Variants in CAMTA1 observed in about 807,000 individuals in gnomAD.
CAMTA1 encodes the protein calmodulin-binding transcription activator 1.
A neutral mutation model predicts 170.9 loss-of-function variants in CAMTA1; 27 were observed. The observed-to-expected ratio is 0.16, with a 90% CI of 0.12 to 0.22. CAMTA1 has a LOEUF of 0.22. Ranked by LOEUF, CAMTA1 falls within the 10% of genes least tolerant of loss-of-function variation. CAMTA1 has a pLI of 1.00. For missense variants in CAMTA1, 1,619 were observed against 2,217.2 expected (o/e 0.73, Z 5.42); for synonymous variants, 833 against 891.5 (o/e 0.93, Z 1.17).
intron 6 of CAMTA1, among the ~76,000 whole-genome samples, chr1:7,471,636 G>A (rs2093332160): frequency 6.6e-6 from 1 of 152,264 alleles, no homozygotes; most frequent in Admixed American, 6.5e-5. Context: ...GTCAGGGGAG[G>A]AGCAGGCAGT....
chr1:7,607,980 C>T (rs914425137), intron 6 of CAMTA1, among the ~76,000 whole-genome samples: 1 of 152,130 alleles, frequency 6.6e-6, no homozygotes, highest in Admixed American at 6.5e-5. Flanking sequence ...AGAAGGTGTC[C>T]TTGTGCTAGT....
At chr1:7,510,993 T>C (rs2094194911) in intron 6 of CAMTA1, among the ~76,000 whole-genome samples, 1 of 144,718 alleles carries the variant, frequency 6.9e-6, no homozygotes, top group Non-Finnish European at 1.5e-5. Context: ...CCTGGGAGCT[T>C]CGAGCCTCCC....
chr1:6,892,590 TTC>T (rs1282617455), intron 3 of CAMTA1, among the ~76,000 whole-genome samples: 1 of 144,090 alleles, frequency 6.9e-6, no homozygotes, highest in African/African-American at 2.5e-5. Context: ...GCAAATTTTT[TTC>T]TTTTCTTTTT....
In CAMTA1 at chr1:7,008,862, A is replaced by G. The variant is rs114566478; in HGVS notation, c.235-82442A>G. 1.9e-3 allele frequency among the ~76,000 whole-genome samples: 295 copies of G among 152,338 alleles called. 1 individual carries two copies. The highest frequency in any genetic ancestry group is 6.9e-3 in the African/African-American group (287 of 41,574). Reference sequence around the variant, plus strand: ...GAATGAAATATTTAACCTAATTTCTATGCCTTAAGTGACCTAAGGATAAAT... The same window carrying G: ...GAATGAAATATTTAACCTAATTTCTGTGCCTTAAGTGACCTAAGGATAAAT... On this transcript the variant is annotated intron_variant, in intron 3 of 22. Coordinates refer to ENST00000303635, the MANE Select transcript of CAMTA1 (RefSeq NM_015215.4).
intron 5 of CAMTA1, among the ~76,000 whole-genome samples, chr1:7,353,376 G>A (rs1391792032): frequency 6.6e-6 from 1 of 151,388 alleles, no homozygotes; most frequent in Non-Finnish European, 1.5e-5. Context: ...GTAGCTAACA[G>A]GCCTCCCAAA....
At chr1:7,139,142 CAAATAT>C (rs1296607107) in intron 4 of CAMTA1, among the ~76,000 whole-genome samples, 17 of 133,132 alleles carry the variant, frequency 1.3e-4, no homozygotes, top group African/African-American at 4.0e-4. Flanking sequence ...TATAAATAAA[CAAATAT>C]ATAAATATAA....
At chr1:6,947,175 C>A (rs1367505945) in intron 3 of CAMTA1, among the ~76,000 whole-genome samples, 2 of 152,160 alleles carry the variant, frequency 1.3e-5, no homozygotes, top group African/African-American at 2.4e-5. Flanking sequence ...ATCTGTATGT[C>A]CACCCTTATG....
At chr1:7,428,248 A>G (rs1047694851) in intron 5 of CAMTA1, among the ~76,000 whole-genome samples, 2 of 152,118 alleles carry the variant, frequency 1.3e-5, no homozygotes, top group African/African-American at 4.8e-5. Context: ...TGGAAGGCGA[A>G]TTTCTAGAGG....
chr1:7,310,841 G>A (rs961231879), intron 5 of CAMTA1, among the ~76,000 whole-genome samples: 2 of 150,596 alleles, frequency 1.3e-5, no homozygotes, highest in African/African-American at 2.5e-5. Flanking sequence ...AGCAATTCTC[G>A]TGCCTCAGCT....
chr1:7,359,099 C>T (rs2085347582), intron 5 of CAMTA1, among the ~76,000 whole-genome samples: 2 of 152,210 alleles, frequency 1.3e-5, no homozygotes, highest in African/African-American at 2.4e-5. Flanking sequence ...ATAAGAGGGG[C>T]TCTAGGTGGG....
intron 21 of CAMTA1, 149 bp downstream of exon 21, chr1:7,752,682 T>C (rs1280139810): frequency 1.6e-6 from 1 of 606,764 alleles, no homozygotes; most frequent in African/African-American, 1.9e-5. Context: ...GGTAGAGCTC[T>C]TTAACTAGGG....
chr1:7,713,397 T>C (rs1296246425), intron 11 of CAMTA1, among the ~76,000 whole-genome samples: 2 of 152,160 alleles, frequency 1.3e-5, no homozygotes, highest in Middle Eastern at 3.2e-3. Flanking sequence ...AACTCTTCTG[T>C]GGGAAAATTA....
At chr1:7,289,152 G>A (rs79928691) in intron 5 of CAMTA1, among the ~76,000 whole-genome samples, 64 of 152,140 alleles carry the variant, frequency 4.2e-4, no homozygotes, top group Non-Finnish European at 7.5e-4. Flanking sequence ...GAACAGCACC[G>A]AGGAGGAAAT....
At chr1:7,212,018 C>T (rs1658863389) in intron 4 of CAMTA1, among the ~76,000 whole-genome samples, 1 of 152,098 alleles carries the variant, frequency 6.6e-6, no homozygotes, top group South Asian at 2.1e-4. Flanking sequence ...TTGTCTAAAT[C>T]CTAAATATAT....
At chr1:6,798,240 G>A (rs188066414) in intron 1 of CAMTA1, among the ~76,000 whole-genome samples, 19 of 151,526 alleles carry the variant, frequency 1.3e-4, no homozygotes, top group African/African-American at 3.6e-4. Context: ...CACCCACCTC[G>A]GCCTCCCAAA....
chr1:7,627,130 G>C (rs887159516), intron 6 of CAMTA1, among the ~76,000 whole-genome samples: 2 of 152,110 alleles, frequency 1.3e-5, no homozygotes, highest in African/African-American at 4.8e-5. Context: ...GATATTTTTC[G>C]GGAAAATGGA....
chr1:7,497,188 T>A (rs1450384132), intron 6 of CAMTA1, among the ~76,000 whole-genome samples: 1 of 152,014 alleles, frequency 6.6e-6, no homozygotes, highest in African/African-American at 2.4e-5. Context: ...GTCTCACACC[T>A]CCCCTGGAGA....
intron 4 of CAMTA1, among the ~76,000 whole-genome samples, chr1:7,099,831 C>G (rs367715119): frequency 6.6e-6 from 1 of 152,212 alleles, no homozygotes; most frequent in Non-Finnish European, 1.5e-5. Context: ...GGAATGTCAG[C>G]ATTGGGTATG....
At chr1:7,177,923 G>A (rs936576415) in intron 4 of CAMTA1, among the ~76,000 whole-genome samples, 15 of 141,390 alleles carry the variant, frequency 1.1e-4, no homozygotes, top group Non-Finnish European at 2.2e-4. Context: ...AGGCTCTTCC[G>A]ACACAGAGGC....
Sources: gnomAD v4.1 joint callset for allele counts (sites outside exome capture counted in the v4.1 genomes callset) on GRCh38, gnomAD v4.1.1 for gene constraint, MANE v1.5 for transcripts, NCBI Gene and HGNC (gene_info 2026-07-23, HGNC 2026-07-21) for gene names.